The following NDUFS6 variants were observed in gnomAD, a reference collection of about 807,000 sequenced individuals.
The protein encoded by NDUFS6 is NADH dehydrogenase [ubiquinone] iron-sulfur protein 6, mitochondrial.
NDUFS6 carries 14 observed loss-of-function variants against 13.2 expected under a neutral mutation model. That is an observed-to-expected ratio of 1.06 (90% CI 0.70 to 1.66). The LOEUF is 1.66. NDUFS6 is among the 40% of genes most tolerant of loss of function. NDUFS6 has a pLI of 0.00. For synonymous variants in NDUFS6, 95 were observed against 72.3 expected, an observed-to-expected ratio of 1.31 and a Z score of -1.60; for missense variants, 206 against 170.8, an observed-to-expected ratio of 1.21 and a Z score of -1.15.
In NDUFS6 at chr5:1,807,562, C is replaced by T. The variant is rs115058570; in HGVS notation, c.186+5188C>T. Among the ~76,000 whole-genome samples the T allele has an allele frequency of 3.4e-3, 514 of 152,244 alleles. 5 individuals carry two copies. Among genetic ancestry groups the T allele is most frequent in the African/African-American group, 0.012 (493 of 41,524 alleles). On this transcript the variant is annotated intron_variant, in intron 2 of 3. Coordinates refer to ENST00000274137, the MANE Select transcript of NDUFS6 (RefSeq NM_004553.6). Reference sequence around the variant, plus strand: ...CTCATTCTTATTTCTCCCAAGAGGCCGGCAGGGCAGGGCACACTCGGGTGG... The same window carrying T: ...CTCATTCTTATTTCTCCCAAGAGGCTGGCAGGGCAGGGCACACTCGGGTGG...
At chr5:1,808,445 T>C (rs151302279) in intron 2 of NDUFS6, among the ~76,000 whole-genome samples, 248 of 152,304 alleles carry the variant, frequency 1.6e-3, no homozygotes, top group African/African-American at 5.6e-3. Context: ...CTGTCAGAAA[T>C]AATGGTTATA....
At chr5:1,811,931 C>T (rs975795066) in intron 2 of NDUFS6, among the ~76,000 whole-genome samples, 1 of 152,166 alleles carries the variant, frequency 6.6e-6, no homozygotes, top group Non-Finnish European at 1.5e-5. Context: ...ATACTTATAT[C>T]AAAAGAAACC....
At chr5:1,810,046 T>A (rs146284198) in intron 2 of NDUFS6, among the ~76,000 whole-genome samples, 1 of 151,322 alleles carries the variant, frequency 6.6e-6, no homozygotes. Flanking sequence ...CCGAAACATA[T>A]CTGTGAGGGA....
chr5:1,802,471 TC>T, intron 2 of NDUFS6, 97 bp downstream of exon 2: 2 of 1,029,620 alleles, frequency 1.9e-6, no homozygotes, highest in South Asian at 1.5e-5. Flanking sequence ...AAATAAATTT[TC>T]CCCATATTGC....
At chr5:1,802,974 G>T (rs538819873) in intron 2 of NDUFS6, among the ~76,000 whole-genome samples, 1 of 151,484 alleles carries the variant, frequency 6.6e-6, no homozygotes, top group Non-Finnish European at 1.5e-5. Flanking sequence ...TCCTGAATTC[G>T]TAATTAGATC....
intron 2 of NDUFS6, among the ~76,000 whole-genome samples, chr5:1,812,411 T>C (rs1216798411): frequency 6.6e-6 from 1 of 151,212 alleles, no homozygotes; most frequent in African/African-American, 2.4e-5. Context: ...TTTTAAAATA[T>C]GTTTATGAAA....
At chr5:1,802,797 T>C (rs188560636) in intron 2 of NDUFS6, among the ~76,000 whole-genome samples, 99 of 152,344 alleles carry the variant, frequency 6.5e-4, no homozygotes, top group African/African-American at 2.3e-3. Flanking sequence ...ACATGAGTTT[T>C]TCTTCCCTTA....
intron 2 of NDUFS6, among the ~76,000 whole-genome samples, chr5:1,810,360 C>T (rs534574981): frequency 1.3e-5 from 2 of 152,262 alleles, no homozygotes; most frequent in Non-Finnish European, 2.9e-5. Context: ...AGTTGAGTTC[C>T]TTCCCTCTAC....
chr5:1,807,175 CGTGAGGTACTCAGAGGTACTGT>C (rs1554018631), intron 2 of NDUFS6, among the ~76,000 whole-genome samples: 1 of 139,232 alleles, frequency 7.2e-6, no homozygotes, highest in East Asian at 2.1e-4. Flanking sequence ...AGAGGTACTG[CGTGAGGTACTCAGAGGTACTGT>C]GTGAACACTG....
rs1306747604 is a variant in NDUFS6, at chr5:1,814,153, T to C, written c.187-186T>C. On this transcript the variant is annotated intron_variant, in intron 2 of 3. Coordinates refer to ENST00000274137, the MANE Select transcript of NDUFS6 (RefSeq NM_004553.6). This position sits in a 1 kb window ranked among gnomAD's most constrained non-coding sequence, Gnocchi z 4.9. The stretch of plus-strand genomic sequence containing the variant: ...CAGTGCCTCTCCGCGTTTGGAACTT[T>C]ATTCCAGTGAAAAGTAGATGTGTGT... 1.3e-5 allele frequency among the ~76,000 whole-genome samples: 2 copies of C among 152,258 alleles called. No individual in the cohort carries two copies. The highest frequency in any genetic ancestry group is 2.9e-5 in the Non-Finnish European group (2 of 68,048).
chr5:1,814,511 A>C lies in NDUFS6; in HGVS notation c.309+50A>C, dbSNP rs777681158. ...ATGTTAGGGCAGCCTGCTCGTCCTC[A>C]TACTCCCCTTCACTCCCAGTGCCTG... On this transcript the variant is annotated intron_variant, in intron 3 of 3. Transcript: ENST00000274137. The surrounding 1 kb of genome is among the most constrained non-coding windows in gnomAD (Gnocchi z 4.9). 11 of 1,613,652 alleles carry C rather than the reference A, an allele frequency of 6.8e-6. No homozygotes were observed. Among genetic ancestry groups the C allele is most frequent in the Non-Finnish European group, 3.4e-6 (4 of 1,179,840 alleles).
At chr5:1,812,268 C>G (rs1314335395) in intron 2 of NDUFS6, among the ~76,000 whole-genome samples, 1 of 152,070 alleles carries the variant, frequency 6.6e-6, no homozygotes, top group Non-Finnish European at 1.5e-5. Flanking sequence ...TGAGGCAGAA[C>G]CCTCATGACC....
At chr5:1,806,664 G>A (rs1460506753) in intron 2 of NDUFS6, among the ~76,000 whole-genome samples, 3 of 152,192 alleles carry the variant, frequency 2.0e-5, no homozygotes, top group Admixed American at 6.5e-5. Context: ...GAAAACAAGC[G>A]TGGGTGACGG....
chr5:1,808,228 G>A (rs996756582), intron 2 of NDUFS6, among the ~76,000 whole-genome samples: 1 of 152,162 alleles, frequency 6.6e-6, no homozygotes, highest in Non-Finnish European at 1.5e-5. Context: ...CGTCCTTTAG[G>A]GGGTGTTTGA....
intron 2 of NDUFS6, among the ~76,000 whole-genome samples, chr5:1,802,747 T>C (rs1734068390): frequency 6.6e-6 from 1 of 152,206 alleles, no homozygotes; most frequent in South Asian, 2.1e-4. Flanking sequence ...AATTAGTGTG[T>C]GTTTTTTACA....
intron 2 of NDUFS6, among the ~76,000 whole-genome samples, chr5:1,813,354 T>C (rs965417371): frequency 4.6e-5 from 7 of 152,236 alleles, no homozygotes; most frequent in Non-Finnish European, 4.4e-5. Context: ...ATATAAAATA[T>C]AGTCTCAGTC....
At chr5:1,806,487 C>T (rs1353670571) in intron 2 of NDUFS6, among the ~76,000 whole-genome samples, 1 of 152,236 alleles carries the variant, frequency 6.6e-6, no homozygotes, top group African/African-American at 2.4e-5. Flanking sequence ...GTGCGTGGTG[C>T]CACCAGGATT....
At chr5:1,806,512 G>A (rs545776265) in intron 2 of NDUFS6, among the ~76,000 whole-genome samples, 2 of 152,336 alleles carry the variant, frequency 1.3e-5, no homozygotes, top group African/African-American at 4.8e-5. Context: ...GCAGTTGCAC[G>A]CGGTGCAAAT....
At chr5:1,810,973 C>T (rs1284837175) in intron 2 of NDUFS6, among the ~76,000 whole-genome samples, 2 of 152,134 alleles carry the variant, frequency 1.3e-5, no homozygotes, top group African/African-American at 2.4e-5. Context: ...GACAGCAGGA[C>T]CAACCCTCCC....
Sources: gnomAD v4.1 joint callset for allele counts (sites outside exome capture counted in the v4.1 genomes callset) on GRCh38, gnomAD v4.1.1 for gene constraint, Gnocchi (gnomAD v3.1) non-coding constraint, MANE v1.5 for transcripts, NCBI Gene and HGNC (gene_info 2026-07-23, HGNC 2026-07-21) for gene names.